DIAPH1: variants seen among roughly 807,000 people sequenced by gnomAD.
The protein encoded by DIAPH1 is diaphanous related formin 1, also known as protein diaphanous homolog 1.
DIAPH1 carries 46 observed loss-of-function variants against 140.7 expected under a neutral mutation model. The ratio of observed to expected loss-of-function variants is 0.33; its 90% CI spans 0.26 to 0.42. The LOEUF is 0.42. Among genes scored for constraint, DIAPH1 ranks in the 10% least tolerant of loss-of-function variants. DIAPH1 has a pLI of 1.00. For missense variants in DIAPH1, 1,310 were observed against 1,558.7 expected (o/e 0.84, Z 2.69); for synonymous variants, 565 against 551.6 (o/e 1.02, Z -0.34).
chr5:141,618,471 T>C (rs1019309014), intron 1 of DIAPH1: 1 of 247,360 alleles, frequency 4.0e-6, no homozygotes. Flanking sequence ...GTTCGGGTAC[T>C]GGAGGAAGAA....
chr5:141,614,115 T>C (rs1252934818), intron 1 of DIAPH1, among the ~76,000 whole-genome samples: 1 of 152,140 alleles, frequency 6.6e-6, no homozygotes, highest in Non-Finnish European at 1.5e-5. Flanking sequence ...GGAGGCTCAA[T>C]GAAAAAAGAA....
chr5:141,596,226 G>A (rs1005371645), intron 1 of DIAPH1, among the ~76,000 whole-genome samples: 5 of 152,126 alleles, frequency 3.3e-5, no homozygotes, highest in South Asian at 4.2e-4. Flanking sequence ...CCAGCTACTC[G>A]GGAGGCTGAG....
intron 1 of DIAPH1, among the ~76,000 whole-genome samples, chr5:141,594,835 G>C (rs902173494): frequency 3.3e-5 from 5 of 151,490 alleles, no homozygotes; most frequent in African/African-American, 1.2e-4. Context: ...GAGGTCAGGA[G>C]TTTGAGACCA....
chr5:141,584,133 G>A lies in DIAPH1; in HGVS notation c.393C>T (p.Thr131=), dbSNP rs374544208. ...KREMVSQYLY[T]SKAGMSQKES... is the part of the protein sequence containing the mutation. ...CTGTCCCAGGACTCACAGCCTTGGA[G>A]GTGTACAAGTATTGGGACACCATCT... The change falls in exon 4 of 28, where the codon ACC becomes ACT. Residue 131 remains threonine (T), a synonymous_variant. Transcript: ENST00000389054. The A allele has an allele frequency of 7.5e-6, 12 of 1,605,690 alleles. No individual in the cohort carries two copies. The highest frequency in any genetic ancestry group is 9.4e-6 in the Non-Finnish European group (11 of 1,172,666).
chr5:141,573,272 TA>T (rs1195474253), intron 16 of DIAPH1, among the ~76,000 whole-genome samples: 21 of 151,798 alleles, frequency 1.4e-4, no homozygotes, highest in African/African-American at 4.6e-4. Flanking sequence ...CCGTCTCTAC[TA>T]AAAATACAAA....
At chr5:141,545,650 A>G (rs1284473940) in intron 18 of DIAPH1, among the ~76,000 whole-genome samples, 2 of 152,192 alleles carry the variant, frequency 1.3e-5, no homozygotes, top group African/African-American at 4.8e-5. Context: ...CTCAGAAAAA[A>G]AGCAACAACA....
At chr5:141,557,046 TAAA>T (rs1562307459) in intron 18 of DIAPH1, among the ~76,000 whole-genome samples, 1 of 151,920 alleles carries the variant, frequency 6.6e-6, no homozygotes, top group South Asian at 2.1e-4. Context: ...AAATAAAAAA[TAAA>T]AAAGAGCATA....
chr5:141,521,575 G>T (rs190024259), intron 27 of DIAPH1, among the ~76,000 whole-genome samples: 1 of 152,164 alleles, frequency 6.6e-6, no homozygotes, highest in African/African-American at 2.4e-5. Context: ...GAGACCGGAA[G>T]AATTTAACAT....
Position 141,524,130 on chromosome 5 carries a change from T to C in DIAPH1, c.3661+13A>G. The C allele has an allele frequency of 6.2e-7, 1 of 1,613,486 alleles. No homozygotes were observed. The highest frequency in any genetic ancestry group is 8.5e-7 in the Non-Finnish European group (1 of 1,179,520). On this transcript the variant is annotated intron_variant, in intron 27 of 27. Coordinates refer to ENST00000389054, the MANE Select transcript of DIAPH1 (RefSeq NM_005219.5). Reference sequence around the variant, plus strand: ...CCTTCGACACCCAGGATGAGCTCCATGTGCTTACTTACCTTGACGGGGCCC... The same window carrying C: ...CCTTCGACACCCAGGATGAGCTCCACGTGCTTACTTACCTTGACGGGGCCC...
intron 18 of DIAPH1, chr5:141,536,005 C>A (rs1465205837): frequency 4.3e-6 from 2 of 468,360 alleles, no homozygotes; most frequent in African/African-American, 4.0e-5. Context: ...AACTATAAAA[C>A]ACATTCACTC....
At chr5:141,552,126 T>C (rs2099891786) in intron 18 of DIAPH1, among the ~76,000 whole-genome samples, 1 of 152,008 alleles carries the variant, frequency 6.6e-6, no homozygotes, top group Non-Finnish European at 1.5e-5. Flanking sequence ...TAATTAAGGA[T>C]CTTGAGATGA....
chr5:141,535,252 T>A (rs1412941700), intron 18 of DIAPH1, among the ~76,000 whole-genome samples: 1 of 152,060 alleles, frequency 6.6e-6, no homozygotes, highest in African/African-American at 2.4e-5. Context: ...TGCCCTACCT[T>A]AAGCTCCATC....
chr5:141,526,538 G>T, intron 24 of DIAPH1, 77 bp from the exon 25 acceptor site: 1 of 1,551,696 alleles, frequency 6.4e-7, no homozygotes, highest in Non-Finnish European at 8.9e-7. Flanking sequence ...ATTACTCAAA[G>T]ATGAGTACTG....
Position 141,528,850 on chromosome 5 carries a change from A to G in DIAPH1, c.2870T>C (p.Ile957Thr), listed in dbSNP as rs2099887780. ...CTCACATGCAGCAGTGACAGACACA[A>G]TCTCTGGCTTGATATTCTCCACTTG... ...SEQVENIKPE[I>T]VSVTAACEEL... The change falls in exon 22 of 28, where the codon ATT becomes ACT. Residue 957 changes from isoleucine to threonine, a missense_variant. Ile to Thr is a moderately conservative substitution (Grantham distance 89). Coordinates refer to ENST00000389054, the MANE Select transcript of DIAPH1 (RefSeq NM_005219.5). 1 of 1,614,236 alleles carries G rather than the reference A, an allele frequency of 6.2e-7. No homozygotes were observed. Among genetic ancestry groups the G allele is most frequent in the Non-Finnish European group, 8.5e-7 (1 of 1,180,042 alleles).
intron 27 of DIAPH1, chr5:141,518,768 C>G: frequency 1.5e-6 from 1 of 661,088 alleles, no homozygotes; most frequent in East Asian, 2.7e-5. Context: ...AGCAATCCTC[C>G]CACCTTGGAA....
At chr5:141,532,458 C>T (rs2099888379) in intron 19 of DIAPH1, among the ~76,000 whole-genome samples, 1 of 152,198 alleles carries the variant, frequency 6.6e-6, no homozygotes, top group South Asian at 2.1e-4. Context: ...TGCCACCATG[C>T]CCAGCCTCCT....
rs1186407359 is a variant in DIAPH1, at chr5:141,528,982, G to T, written c.2779-41C>A. ...AGCAGTTCCATTACAGTCAAAAGAG[G>T]GGGAAGTCAGAAAAAGATACACGCT... On this transcript the variant is annotated intron_variant, in intron 21 of 27. Transcript: ENST00000389054. 2.5e-6 allele frequency: 4 copies of T among 1,613,372 alleles called. No individual in the cohort carries two copies. The African/African-American group carries it at 5.3e-5, about 22-fold the overall frequency.
At chr5:141,530,047 G>C (rs1414649305) in intron 19 of DIAPH1, among the ~76,000 whole-genome samples, 2 of 152,106 alleles carry the variant, frequency 1.3e-5, no homozygotes, top group African/African-American at 4.8e-5. Context: ...CCGCACCACT[G>C]CACTCCAGCC....
In DIAPH1 at chr5:141,618,903, G is replaced by A; in HGVS notation, c.12C>T (p.Pro4=). The A allele has an allele frequency of 2.0e-6, 3 of 1,510,670 alleles. No individual in the cohort carries two copies. The highest frequency in any genetic ancestry group is 2.7e-6 in the Non-Finnish European group (3 of 1,128,962). 93.6% of individuals were successfully genotyped at this position (1,510,670 alleles called of 1,614,324 possible). The part of the protein sequence containing the change: MEP[P]GGSLGPGRGT... ...CGCGGCCGGGCCCCAGGCTCCCGCC[G>A]GGCGGCTCCATGTCCCGGTTCACGC... is the stretch of plus-strand genomic sequence containing the variant. The change falls in exon 1 of 28, where the codon CCC becomes CCT. Residue 4 remains proline, a synonymous_variant. Coordinates refer to ENST00000389054, the MANE Select transcript of DIAPH1 (RefSeq NM_005219.5).
Sources: gnomAD v4.1 joint callset for allele counts (sites outside exome capture counted in the v4.1 genomes callset) on GRCh38, gnomAD v4.1.1 for gene constraint, MANE v1.5 for transcripts, NCBI Gene and HGNC (gene_info 2026-07-23, HGNC 2026-07-21) for gene names.